Variants in ZNF75D observed in about 807,000 individuals in gnomAD.
The protein encoded by ZNF75D is zinc finger protein 75.
A neutral mutation model predicts 33.3 loss-of-function variants in ZNF75D; 33 were observed. The ratio of observed to expected loss-of-function variants is 0.99; its 90% CI spans 0.75 to 1.32. The LOEUF is 1.32. Among genes scored for constraint, ZNF75D ranks in the 40% most tolerant of loss-of-function variants. The probability of loss-of-function intolerance (pLI) is 0.00; values close to 1 mark genes in which losing one functional copy is unlikely to be tolerated. For missense variants in ZNF75D, 338 were observed against 367.5 expected (o/e 0.92, Z 0.66); for synonymous variants, 113 against 130.6 (o/e 0.87, Z 0.92).
In ZNF75D at chrX:135,286,409, T is replaced by G. The variant is rs2083952602; in HGVS notation, c.*728A>C. On this transcript the variant is annotated 3_prime_UTR_variant, in exon 7 of 7. Transcript: ENST00000370766. Reference sequence around the variant, plus strand: ...TACCTGGATGAGGGCCAAGACTGCCTCCCTCATCATTTCACTATATGTCTA... The same window carrying G: ...TACCTGGATGAGGGCCAAGACTGCCGCCCTCATCATTTCACTATATGTCTA... 1 of 112,126 alleles carries G rather than the reference T, an allele frequency of 8.9e-6. No individual in the cohort carries two copies. Among genetic ancestry groups the G allele is most frequent in the Non-Finnish European group, 1.9e-5 (1 of 53,222 alleles). 9.2% of individuals were successfully genotyped at this position (112,126 alleles called of 1,213,427 possible). A position where few individuals can be genotyped will look rare whatever the true frequency, so the allele number is the denominator to read the frequency against.
At chrX:135,317,040 G>A (rs1556432136) in intron 1 of ZNF75D, among the ~76,000 whole-genome samples, 4 of 110,229 alleles carry the variant, frequency 3.6e-5, no homozygotes, top group Non-Finnish European at 5.7e-5. Context: ...TTGCTTTTTC[G>A]TGTTTCCTGC....
Position 135,287,311 on chromosome X carries a change from T to C in ZNF75D, c.1359A>G (p.Glu453=). Residue 453 remains glutamate, a synonymous_variant, in exon 7 of 7, where the codon GAA becomes GAG. Transcript: ENST00000370766. ...AGTTCTGAATGAATCTTTTTCCACA[T>C]TCATCACATTTAAAGGGCTTCTCTC... ...HTGEKPFKCD[E]CGKRFIQNSH... The C allele has an allele frequency of 8.3e-7, 1 of 1,211,743 alleles. No individual in the cohort carries two copies. Among genetic ancestry groups the C allele is most frequent in the Non-Finnish European group, 1.1e-6 (1 of 895,484 alleles).
intron 1 of ZNF75D, among the ~76,000 whole-genome samples, chrX:135,321,136 A>G: frequency 9.0e-6 from 1 of 111,719 alleles, no homozygotes; most frequent in East Asian, 2.8e-4. Flanking sequence ...GAGGATGAAC[A>G]CTGTGTCCTC....
chrX:135,318,662 T>G (rs782668846), intron 1 of ZNF75D, among the ~76,000 whole-genome samples: 7 of 111,867 alleles, frequency 6.3e-5, no homozygotes, highest in Non-Finnish European at 1.3e-4. Context: ...CATATAAAAC[T>G]TTCATGCTGT....
chrX:135,258,273 T>C (rs1309018474), intron 1 of ZNF75D, among the ~76,000 whole-genome samples: 10 of 109,152 alleles, frequency 9.2e-5, no homozygotes, highest in Admixed American at 8.9e-4. Flanking sequence ...CATGTGTCTT[T>C]ATAGTAGCAT....
downstream of ZNF75D, among the ~76,000 whole-genome samples, chrX:135,282,624 C>A (rs2083924239): frequency 9.0e-6 from 1 of 111,724 alleles, no homozygotes; most frequent in East Asian, 2.8e-4. Flanking sequence ...GGCATAGGCA[C>A]CTGAGGGAAT....
At chrX:135,332,884 G>C (rs1355341750) in intron 1 of ZNF75D, among the ~76,000 whole-genome samples, 2 of 111,850 alleles carry the variant, frequency 1.8e-5, no homozygotes, top group African/African-American at 6.5e-5. Flanking sequence ...GTACACACAT[G>C]GGAGAATCTG....
chrX:135,319,735 T>C (rs1383725706), intron 1 of ZNF75D, among the ~76,000 whole-genome samples: 1 of 112,173 alleles, frequency 8.9e-6, no homozygotes, highest in African/African-American at 3.2e-5. Flanking sequence ...ATGGAAGTAA[T>C]GGGCACACAG....
intron 1 of ZNF75D, among the ~76,000 whole-genome samples, chrX:135,271,823 CT>C (rs1192989661): frequency 4.5e-5 from 5 of 112,237 alleles, no homozygotes; most frequent in African/African-American, 1.6e-4. Context: ...CTGGGTTGCA[CT>C]TAGGAGCAAA....
chrX:135,304,727 T>C (rs1247646787), intron 1 of ZNF75D, among the ~76,000 whole-genome samples: 1 of 112,830 alleles, frequency 8.9e-6, no homozygotes, highest in Admixed American at 9.3e-5. Flanking sequence ...TGATAAAACA[T>C]TTAAAACATG....
chrX:135,258,124 C>G (rs1288000885), intron 1 of ZNF75D, among the ~76,000 whole-genome samples: 7 of 103,076 alleles, frequency 6.8e-5, no homozygotes, highest in Non-Finnish European at 1.4e-4. Flanking sequence ...CATCCATGTC[C>G]CTACAAAGGA....
At chrX:135,305,876 G>A (rs955635500) in intron 1 of ZNF75D, among the ~76,000 whole-genome samples, 18 of 111,503 alleles carry the variant, frequency 1.6e-4, no homozygotes, top group African/African-American at 5.9e-4. Context: ...GTGAACAAAA[G>A]GCACATCCAA....
intron 1 of ZNF75D, among the ~76,000 whole-genome samples, chrX:135,340,750 G>C (rs1188592648): frequency 1.8e-5 from 2 of 111,715 alleles, no homozygotes; most frequent in Non-Finnish European, 3.8e-5. Flanking sequence ...CATGTTGGAG[G>C]GTCCAAAAAA....
At chrX:135,271,633 G>A (rs1418005777) in intron 1 of ZNF75D, among the ~76,000 whole-genome samples, 1 of 112,046 alleles carries the variant, frequency 8.9e-6, no homozygotes, top group Non-Finnish European at 1.9e-5. Context: ...GGGAGTCACA[G>A]CATGTTCTGG....
In ZNF75D at chrX:135,343,695, C is replaced by T. The variant is rs2084812517; in HGVS notation, c.-2318G>A. ...GCCCAGGCCAGACGCCACAGTCAGG[C>T]TTCCAGACCACCTTGGCCCCGAAAC... On this transcript the variant is annotated 5_prime_UTR_variant, in exon 1 of 7. Coordinates refer to ENST00000370766, the MANE Select transcript of ZNF75D (RefSeq NM_007131.5). 1 of 111,939 alleles carries T rather than the reference C, an allele frequency of 8.9e-6. No individual in the cohort carries two copies. The highest frequency in any genetic ancestry group is 9.4e-5 in the Admixed American group (1 of 10,676). The allele number at this position is 111,939 out of a possible 1,213,427, so 9.2% of individuals were successfully genotyped here.
intron 6 of ZNF75D, among the ~76,000 whole-genome samples, chrX:135,290,557 T>C (rs1438375135): frequency 8.9e-6 from 1 of 112,402 alleles, no homozygotes; most frequent in African/African-American, 3.2e-5. Flanking sequence ...ATTAGAAACT[T>C]TTCCTTAACT....
chrX:135,301,884 C>T (rs2084221914), intron 1 of ZNF75D, among the ~76,000 whole-genome samples: 1 of 112,473 alleles, frequency 8.9e-6, no homozygotes, highest in Non-Finnish European at 1.9e-5. Flanking sequence ...CAGAGGTTCT[C>T]CATGAGGGCT....
chrX:135,291,975 T>TC (rs1160994934), intron 4 of ZNF75D, among the ~76,000 whole-genome samples: 1 of 112,017 alleles, frequency 8.9e-6, no homozygotes, highest in East Asian at 2.8e-4. Context: ...CCCATGTCTG[T>TC]CCCCAATTTT....
intron 1 of ZNF75D, among the ~76,000 whole-genome samples, chrX:135,307,331 A>G (rs1556425977): frequency 4.5e-5 from 5 of 110,703 alleles, no homozygotes; most frequent in Admixed American, 3.8e-4. Flanking sequence ...AGGAACCTCA[A>G]TTTCCTCAGT....
Sources: allele counts gnomAD v4.1 joint callset (sites outside exome capture counted in the v4.1 genomes callset), GRCh38; gene constraint gnomAD v4.1.1; transcripts MANE v1.5; gene names NCBI Gene and HGNC (gene_info 2026-07-23, HGNC 2026-07-21).